The following ARHGEF4 variants were observed in gnomAD, a reference collection of about 807,000 sequenced individuals.
ARHGEF4 encodes the protein APC-stimulated guanine nucleotide exchange factor 1.
In ARHGEF4, 119 loss-of-function variants were observed where a neutral mutation model predicts 162.0. The ratio of observed to expected loss-of-function variants is 0.73; its 90% CI spans 0.63 to 0.86. The LOEUF (loss-of-function observed/expected upper bound fraction) is 0.86, where lower values mean the gene tolerates loss of function less well. ARHGEF4 is among the 40% of genes least tolerant of loss of function. The pLI is 0.00. For missense variants in ARHGEF4, 2,488 were observed against 2,456.0 expected (o/e 1.01, Z -0.28); for synonymous variants, 1,014 against 979.9 (o/e 1.03, Z -0.65).
intron 4 of ARHGEF4, among the ~76,000 whole-genome samples, chr2:131,018,332 T>C (rs777413581): frequency 1.3e-5 from 2 of 152,228 alleles, no homozygotes; most frequent in African/African-American, 2.4e-5. Flanking sequence ...TAATGATTAG[T>C]GATGTCGTAT....
chr2:130,852,479 G>T (rs930885845), intron 1 of ARHGEF4, among the ~76,000 whole-genome samples: 8 of 151,602 alleles, frequency 5.3e-5, no homozygotes, highest in African/African-American at 1.9e-4. Context: ...ATGCCTTGAT[G>T]AGACTGACTG....
In ARHGEF4 at chr2:130,917,151, AC is replaced by A; in HGVS notation, c.3208del (p.Leu1070CysfsTer26). Reference sequence around the variant, plus strand: ...GGCCCAGCAGGCTGGAATCGCACACACCCTGCCTTCCAGCTCTGCCTGCTGC... The same window carrying A: ...GGCCCAGCAGGCTGGAATCGCACACACCTGCCTTCCAGCTCTGCCTGCTGC... ...PRAQQAGIAH[T>X]LPSSSACCLA... is the part of the protein sequence containing the mutation. On this transcript the variant is annotated frameshift_variant, in exon 2 of 14. Transcript: ENST00000409359. LOFTEE classifies it high-confidence loss of function. 1 of 1,550,204 alleles carries A rather than the reference AC, an allele frequency of 6.5e-7. No individual in the cohort carries two copies. The highest frequency in any genetic ancestry group is 8.7e-7 in the Non-Finnish European group (1 of 1,146,918).
chr2:130,879,440 T>G (rs945094795), intron 1 of ARHGEF4, among the ~76,000 whole-genome samples: 2 of 152,214 alleles, frequency 1.3e-5, no homozygotes, highest in African/African-American at 4.8e-5. Context: ...ACTTGCTTTT[T>G]TGATGAGAAC....
chr2:130,980,443 C>CT (rs1280616964), intron 4 of ARHGEF4, among the ~76,000 whole-genome samples: 3 of 150,832 alleles, frequency 2.0e-5, no homozygotes, highest in Admixed American at 2.0e-4. Context: ...ATAAGACTAA[C>CT]TAACATTTTT....
At chr2:130,995,687 T>C (rs886514991) in intron 4 of ARHGEF4, among the ~76,000 whole-genome samples, 5 of 152,168 alleles carry the variant, frequency 3.3e-5, no homozygotes, top group Non-Finnish European at 5.9e-5. Flanking sequence ...GCAATTAAGG[T>C]TACTTCGGTC....
chr2:130,915,430 T>A lies in ARHGEF4; in HGVS notation c.1484T>A (p.Ile495Asn), dbSNP rs1303267328. ...GAGACACAGAAGCACCTCTGGGGCA[T>A]TTCTGTCCAGGCAGGAAACCAAACC... ...ERETQKHLWG[I>N]SVQAGNQTSN... The change falls in exon 2 of 14, where the codon ATT becomes AAT. Residue 495 changes from isoleucine to asparagine, a missense_variant. By Grantham distance (149) the Ile-to-Asn change is moderately radical. Coordinates refer to ENST00000409359, the MANE Select transcript of ARHGEF4 (RefSeq NM_001367493.1). 6.4e-7 allele frequency: 1 copy of A among 1,550,538 alleles called. No individual in the cohort carries two copies. The highest frequency in any genetic ancestry group is 8.7e-7 in the Non-Finnish European group (1 of 1,147,002).
intron 4 of ARHGEF4, among the ~76,000 whole-genome samples, chr2:130,982,789 C>T (rs1281591460): frequency 6.6e-6 from 1 of 152,134 alleles, no homozygotes; most frequent in Non-Finnish European, 1.5e-5. Flanking sequence ...TGCCTTGTTT[C>T]ATAAATAATC....
chr2:130,851,522 G>A (rs925333425), intron 1 of ARHGEF4, among the ~76,000 whole-genome samples: 10 of 152,232 alleles, frequency 6.6e-5, no homozygotes, highest in Non-Finnish European at 8.8e-5. Context: ...TTCGCCCACC[G>A]TGCAGGTGCT....
chr2:130,964,323 C>T, intron 4 of ARHGEF4: 4 of 908,238 alleles, frequency 4.4e-6, no homozygotes, highest in Non-Finnish European at 5.3e-6. Flanking sequence ...CCCCCGCCCC[C>T]CTCCTGCCTT....
intron 1 of ARHGEF4, among the ~76,000 whole-genome samples, chr2:130,878,294 G>T (rs1029233756): frequency 6.6e-6 from 1 of 152,160 alleles, no homozygotes; most frequent in East Asian, 1.9e-4. Context: ...ATTGTAGTTT[G>T]CTGGCCTTTG....
chr2:130,879,242 A>G (rs549412345), intron 1 of ARHGEF4, among the ~76,000 whole-genome samples: 2 of 152,264 alleles, frequency 1.3e-5, no homozygotes, highest in South Asian at 4.1e-4. Context: ...GATCTTTTTA[A>G]TTATGTATTA....
intron 1 of ARHGEF4, among the ~76,000 whole-genome samples, chr2:130,869,670 G>C (rs1678326108): frequency 1.3e-5 from 2 of 152,196 alleles, no homozygotes; most frequent in Non-Finnish European, 2.9e-5. Flanking sequence ...ATGAAAGGAA[G>C]CTAGTGAGGC....
At position 130,915,958 on chromosome 2, in the gene ARHGEF4, G is replaced by A. The variant is rs1681459047; in HGVS notation, c.2012G>A (p.Gly671Asp). The change falls in exon 2 of 14, where the codon GGC becomes GAC. Residue 671 changes from glycine (G) to aspartate (D), a missense_variant. Around this residue, in one of 6 missense-constraint regions of ARHGEF4, gnomAD observed 1,642 missense variants for 1,481.5 expected, o/e 1.11. Transcript: ENST00000409359. ...KERPESPLST[G>D]ETPCESPTRG... ...AGACCAGAATCTCCCTTGAGCACTG[G>A]CGAGACCCCCTGTGAGTCTCCCACT... 6.4e-7 allele frequency: 1 copy of A among 1,550,458 alleles called. No individual in the cohort carries two copies. Among genetic ancestry groups the A allele is most frequent in the South Asian group, 1.2e-5 (1 of 84,068 alleles).
intron 1 of ARHGEF4, among the ~76,000 whole-genome samples, chr2:130,894,765 G>A (rs189179786): frequency 6.6e-6 from 1 of 152,094 alleles, no homozygotes; most frequent in African/African-American, 2.4e-5. Context: ...TCCTGTCATG[G>A]CCTCTCCTCC....
At chr2:130,837,168 C>T (rs1680252228) in intron 1 of ARHGEF4, among the ~76,000 whole-genome samples, 176 bp downstream of exon 1, 1 of 152,076 alleles carries the variant, frequency 6.6e-6, no homozygotes. Context: ...CCGGAGGCGG[C>T]GTCCTGCAAA....
intron 4 of ARHGEF4, among the ~76,000 whole-genome samples, chr2:131,020,105 T>C (rs1453651353): frequency 6.6e-6 from 1 of 152,262 alleles, no homozygotes; most frequent in African/African-American, 2.4e-5. Context: ...CTTTAAGGTA[T>C]GCTACATGTA....
In ARHGEF4 at chr2:130,916,230, G is replaced by T. The variant is rs1393345847; in HGVS notation, c.2284G>T (p.Ala762Ser). The change falls in exon 2 of 14, where the codon GCC becomes TCC. Residue 762 changes from alanine (A) to serine (S), a missense_variant. Physicochemically the swap from Ala to Ser is moderately conservative, Grantham distance 99. Around this residue, in one of 6 missense-constraint regions of ARHGEF4, gnomAD observed 1,642 missense variants for 1,481.5 expected, o/e 1.11. Coordinates refer to ENST00000409359, the MANE Select transcript of ARHGEF4 (RefSeq NM_001367493.1). ...EEAPEGGAAA[A>S]RGQRPRVPAL... ...GGCCCCCGAAGGCGGTGCTGCAGCA[G>T]CCCGGGGCCAGCGCCCCCGCGTCCC... 1 of 1,535,370 alleles carries T rather than the reference G, an allele frequency of 6.5e-7. No individual in the cohort carries two copies. Among genetic ancestry groups the T allele is most frequent in the African/African-American group, 1.4e-5 (1 of 71,802 alleles).
At chr2:130,998,678 C>T (rs182159668) in intron 4 of ARHGEF4, among the ~76,000 whole-genome samples, 48 of 152,222 alleles carry the variant, frequency 3.2e-4, no homozygotes, top group African/African-American at 1.0e-3. Flanking sequence ...AATAATTTGT[C>T]GTTGTGTATA....
At chr2:131,033,719 A>G (rs551397924) in intron 5 of ARHGEF4, among the ~76,000 whole-genome samples, 1 of 152,220 alleles carries the variant, frequency 6.6e-6, no homozygotes, top group Admixed American at 6.5e-5. Context: ...AAACCTGCAG[A>G]CCAGCGTTTT....
Sources: gnomAD v4.1 joint callset for allele counts (sites outside exome capture counted in the v4.1 genomes callset) on GRCh38, gnomAD v4.1.1 for gene constraint, gnomAD v4.1.1 regional missense constraint, MANE v1.5 for transcripts, NCBI Gene and HGNC (gene_info 2026-07-23, HGNC 2026-07-21) for gene names.